PPTC7: variants seen among roughly 807,000 people sequenced by gnomAD.
PPTC7 encodes protein phosphatase targeting COQ7, also known as protein phosphatase PTC7 homolog.
Under a neutral mutation model 30.8 loss-of-function variants are expected in PPTC7, and 6 were observed. The ratio of observed to expected loss-of-function variants is 0.19; its 90% CI spans 0.11 to 0.38. The LOEUF is 0.38. Ranked by LOEUF, PPTC7 falls within the 10% of genes least tolerant of loss-of-function variation. PPTC7 has a pLI of 1.00. For missense variants in PPTC7, 218 were observed against 404.8 expected, an observed-to-expected ratio of 0.54 and a Z score of 3.96; for synonymous variants, 163 against 168.1, an observed-to-expected ratio of 0.97 and a Z score of 0.23.
chr12:110,566,525 T>TGAGGAAC (rs2064484540), intron 1 of PPTC7, among the ~76,000 whole-genome samples: 1 of 152,164 alleles, frequency 6.6e-6, no homozygotes. Flanking sequence ...AGGGCCGGTG[T>TGAGGAAC]GAGGAACGAG....
rs150529713 is a variant in PPTC7, at chr12:110,557,876, G to A, written c.224-5908C>T. Reference sequence around the variant, plus strand: ...CACATCCTTCTTCACATGGCAGCAGGAGAGAGAAGTGCTGAGCAAAGGGGG... The same window carrying A: ...CACATCCTTCTTCACATGGCAGCAGAAGAGAGAAGTGCTGAGCAAAGGGGG... On this transcript the variant is annotated intron_variant, in intron 1 of 5. Transcript: ENST00000354300. Among the ~76,000 whole-genome samples the A allele has an allele frequency of 5.1e-4, 78 of 152,300 alleles. 3 individuals carry two copies. The East Asian group carries it at 0.013, about 26-fold the overall frequency.
intron 1 of PPTC7, among the ~76,000 whole-genome samples, chr12:110,563,956 T>C (rs1344174220): frequency 6.6e-6 from 1 of 152,214 alleles, no homozygotes; most frequent in Non-Finnish European, 1.5e-5. Context: ...CTTTTAAAAA[T>C]AAAAATGTTC....
At chr12:110,540,662 C>T (rs1487501643) in intron 3 of PPTC7, among the ~76,000 whole-genome samples, 1 of 151,782 alleles carries the variant, frequency 6.6e-6, no homozygotes, top group African/African-American at 2.4e-5. Context: ...GCCACCCAGC[C>T]CACCCCCTCT....
At chr12:110,566,355 C>T (rs2064483010) in intron 1 of PPTC7, among the ~76,000 whole-genome samples, 1 of 152,194 alleles carries the variant, frequency 6.6e-6, no homozygotes, top group Non-Finnish European at 1.5e-5. Flanking sequence ...TCTTTTCTAA[C>T]TGGAAAGGCA....
chr12:110,545,341 C>T (rs2064297732), intron 3 of PPTC7, among the ~76,000 whole-genome samples: 1 of 152,228 alleles, frequency 6.6e-6, no homozygotes, highest in South Asian at 2.1e-4. Flanking sequence ...GATCCACCCG[C>T]CTCAGCCTCC....
chr12:110,548,068 C>T (rs2064322228), intron 2 of PPTC7, among the ~76,000 whole-genome samples: 1 of 150,762 alleles, frequency 6.6e-6, no homozygotes, highest in Non-Finnish European at 1.5e-5. Context: ...GATTGCACCA[C>T]TGCACTCTAG....
intron 2 of PPTC7, among the ~76,000 whole-genome samples, chr12:110,551,446 A>T (rs965597854): frequency 4.6e-5 from 7 of 152,200 alleles, no homozygotes; most frequent in Admixed American, 1.3e-4. Context: ...CCCGGGGTTC[A>T]AGTGATTCTC....
chr12:110,537,063 AAAG>A lies in PPTC7; in HGVS notation c.886_888del (p.Leu296del). The A allele has an allele frequency of 6.2e-7, 1 of 1,613,282 alleles. No individual in the cohort carries two copies. Among genetic ancestry groups the A allele is most frequent in the Non-Finnish European group, 8.5e-7 (1 of 1,179,242 alleles). ...TAGTCTGTATACTCAGCCACTATTG[AAAG>A]AAGGACGGTGATGTCATCTGGCTTT... On this transcript the variant is annotated inframe_deletion, in exon 6 of 6. Transcript: ENST00000354300.
At chr12:110,561,231 C>G (rs1312342053) in intron 1 of PPTC7, among the ~76,000 whole-genome samples, 1 of 151,832 alleles carries the variant, frequency 6.6e-6, no homozygotes, top group African/African-American at 2.4e-5. Flanking sequence ...AGCACTGTAA[C>G]TAGAAAAAAA....
Position 110,533,369 on chromosome 12 carries a change from C to G in PPTC7, c.*3668G>C, listed in dbSNP as rs2064183569. On this transcript the variant is annotated 3_prime_UTR_variant, in exon 6 of 6. Coordinates refer to ENST00000354300, the MANE Select transcript of PPTC7 (RefSeq NM_139283.2). Reference sequence around the variant, plus strand: ...GGTAATTGCCTCTTGGGTAATAAGACAAATAATGATAGTCTCAACAGAAAA... The same window carrying G: ...GGTAATTGCCTCTTGGGTAATAAGAGAAATAATGATAGTCTCAACAGAAAA... 6.6e-6 allele frequency: 1 copy of G among 152,106 alleles called. No individual in the cohort carries two copies. The highest frequency in any genetic ancestry group is 6.5e-5 in the Admixed American group (1 of 15,278). The allele number at this position is 152,106 out of a possible 1,614,324, so 9.4% of individuals were successfully genotyped here.
intron 1 of PPTC7, among the ~76,000 whole-genome samples, chr12:110,579,082 G>A (rs924075566): frequency 9.2e-5 from 14 of 152,084 alleles, no homozygotes; most frequent in South Asian, 2.1e-4. Flanking sequence ...CTGGGAGGCA[G>A]AGGTTGCAGC....
chr12:110,574,287 T>C (rs1215325465), intron 1 of PPTC7, among the ~76,000 whole-genome samples: 1 of 151,890 alleles, frequency 6.6e-6, no homozygotes. Context: ...CAGATTCACA[T>C]TAAGTGGAGA....
Position 110,545,914 on chromosome 12 carries a change from G to A in PPTC7, c.568C>T (p.Pro190Ser). 6.2e-7 allele frequency: 1 copy of A among 1,613,916 alleles called. No homozygotes were observed. Among genetic ancestry groups the A allele is most frequent in the Non-Finnish European group, 8.5e-7 (1 of 1,180,022 alleles). ...AAGACGACTCCCTCGGCTTCAGGGG[G>A]AGCGATTGAGAGCTGGAATGGAGTG... ...FNTPFQLSIA[P>S]PEAEGVVLSD... is the part of the protein sequence containing the mutation. The change falls in exon 3 of 6, where the codon CCC becomes TCC. Residue 190 changes from proline to serine, a missense_variant. By Grantham distance (74) the Pro-to-Ser change is moderately conservative. Coordinates refer to ENST00000354300, the MANE Select transcript of PPTC7 (RefSeq NM_139283.2).
intron 1 of PPTC7, among the ~76,000 whole-genome samples, chr12:110,564,145 C>G (rs1182265690): frequency 6.6e-5 from 10 of 152,218 alleles, no homozygotes. Flanking sequence ...TCACTCCTTT[C>G]TGGCCTGCAA....
intron 1 of PPTC7, among the ~76,000 whole-genome samples, chr12:110,562,879 T>C (rs2064450076): frequency 6.6e-6 from 1 of 151,322 alleles, no homozygotes; most frequent in African/African-American, 2.4e-5. Context: ...CCCAGCACTT[T>C]GGGAGGTCGA....
intron 1 of PPTC7, among the ~76,000 whole-genome samples, chr12:110,567,277 G>T (rs2064492938): frequency 6.6e-6 from 1 of 152,096 alleles, no homozygotes. Context: ...TCCCTGAATC[G>T]GTGTGGCCAG....
chr12:110,543,607 C>T (rs549542584), intron 3 of PPTC7, among the ~76,000 whole-genome samples: 1 of 152,254 alleles, frequency 6.6e-6, no homozygotes, highest in African/African-American at 2.4e-5. Context: ...CTGTTTTATG[C>T]TGAGGTTTTT....
intron 2 of PPTC7, among the ~76,000 whole-genome samples, chr12:110,551,157 G>C (rs918559173): frequency 2.0e-5 from 3 of 152,134 alleles, no homozygotes; most frequent in Non-Finnish European, 2.9e-5. Flanking sequence ...AACATTTTGA[G>C]AACATTCTCA....
intron 2 of PPTC7, among the ~76,000 whole-genome samples, chr12:110,550,442 C>A (rs759902744): frequency 6.6e-6 from 1 of 151,736 alleles, no homozygotes; most frequent in Non-Finnish European, 1.5e-5. Context: ...GTGTTAGCCA[C>A]GATGGTCTCA....
Sources: allele counts gnomAD v4.1 joint callset (sites outside exome capture counted in the v4.1 genomes callset), GRCh38; gene constraint gnomAD v4.1.1; transcripts MANE v1.5; gene names NCBI Gene and HGNC (gene_info 2026-07-23, HGNC 2026-07-21).